ZMYND8: variants seen among roughly 807,000 people sequenced by gnomAD.
The protein encoded by ZMYND8 is zinc finger MYND-type containing 8.
In ZMYND8, 37 loss-of-function variants were observed where a neutral mutation model predicts 140.8. That is an observed-to-expected ratio of 0.26 (90% confidence interval 0.20 to 0.35). ZMYND8 has a LOEUF of 0.35. ZMYND8 is among the 10% of genes least tolerant of loss of function. The pLI is 1.00. For synonymous variants in ZMYND8, 592 were observed against 597.1 expected, an observed-to-expected ratio of 0.99 and a Z score of 0.12; for missense variants, 1,068 against 1,570.0, an observed-to-expected ratio of 0.68 and a Z score of 5.40.
intron 2 of ZMYND8, among the ~76,000 whole-genome samples, chr20:47,336,104 T>A (rs560504015): frequency 6.6e-6 from 1 of 152,236 alleles, no homozygotes; most frequent in Admixed American, 6.5e-5. Context: ...CTGAAAGAGT[T>A]TCCTTGAAAA....
intron 5 of ZMYND8, among the ~76,000 whole-genome samples, chr20:47,292,459 A>G (rs2147986061): frequency 6.6e-6 from 1 of 152,316 alleles, no homozygotes; most frequent in East Asian, 1.9e-4. Context: ...AACTAAGGCT[A>G]CACCTTTTGC....
chr20:47,274,593 G>A (rs1480761332), intron 11 of ZMYND8, among the ~76,000 whole-genome samples: 1 of 152,204 alleles, frequency 6.6e-6, no homozygotes, highest in Admixed American at 6.5e-5. Context: ...TCAGAAACAA[G>A]GGGGTAAAAA....
chr20:47,350,346 A>C (rs887112150), intron 1 of ZMYND8, among the ~76,000 whole-genome samples: 68 of 149,352 alleles, frequency 4.6e-4, no homozygotes, highest in Non-Finnish European at 8.5e-4. Flanking sequence ...AAAAAAAAAA[A>C]AAAAAACTTC....
At chr20:47,347,004 C>T (rs193202587) in intron 2 of ZMYND8, among the ~76,000 whole-genome samples, 4 of 152,274 alleles carry the variant, frequency 2.6e-5, no homozygotes, top group Admixed American at 6.5e-5. Context: ...AATCTCCTTC[C>T]GGCAGTATGC....
intron 3 of ZMYND8, among the ~76,000 whole-genome samples, chr20:47,300,930 G>GTGTGTGTGTGTATGTA (rs757554886): frequency 1.4e-5 from 2 of 141,324 alleles, no homozygotes; most frequent in African/African-American, 5.3e-5. Context: ...GTGTGTGTGT[G>GTGTGTGTGTGTATGTA]TGTGTTTTGT....
rs778498926 is a variant in ZMYND8, at chr20:47,221,398, C to T, written c.3333G>A (p.Ser1111=). Residue 1111 remains serine, a synonymous_variant, in exon 20 of 23, where the codon TCG becomes TCA. Transcript: ENST00000471951. The stretch of plus-strand genomic sequence containing the variant: ...TTTCTGAAGGTGCTGATTGTGTGCT[C>T]GAGGAGCTCCCCTGGGAGGACTTAT... ...TLNKSSQGSS[S]STQSAPSETA... The T allele has an allele frequency of 9.4e-5, 151 of 1,614,050 alleles. No individual in the cohort carries two copies. Among genetic ancestry groups the T allele is most frequent in the Non-Finnish European group, 1.2e-4 (146 of 1,180,040 alleles).
At chr20:47,352,324 A>G in intron 1 of ZMYND8, among the ~76,000 whole-genome samples, 1 of 152,206 alleles carries the variant, frequency 6.6e-6, no homozygotes, top group East Asian at 1.9e-4. Context: ...GCAAAGGTAA[A>G]ATAAAAAGGC....
chr20:47,299,950 G>T (rs1276866114), intron 3 of ZMYND8, among the ~76,000 whole-genome samples: 1 of 152,166 alleles, frequency 6.6e-6, no homozygotes, highest in Non-Finnish European at 1.5e-5. Flanking sequence ...GCTTCCTAAA[G>T]CCATAATTCT....
chr20:47,247,756 G>A (rs865863015), intron 13 of ZMYND8, among the ~76,000 whole-genome samples: 2 of 152,176 alleles, frequency 1.3e-5, no homozygotes, highest in Admixed American at 6.5e-5. Flanking sequence ...TGAACAGCCC[G>A]GGGCATGGGG....
chr20:47,335,387 T>C (rs984650863), intron 2 of ZMYND8, among the ~76,000 whole-genome samples: 4 of 151,950 alleles, frequency 2.6e-5, no homozygotes, highest in African/African-American at 7.3e-5. Context: ...TCACAGGAAG[T>C]TGAAGGGGGC....
intron 8 of ZMYND8, among the ~76,000 whole-genome samples, chr20:47,286,884 A>ATTCTG (rs1317261484): frequency 6.6e-6 from 1 of 152,176 alleles, no homozygotes; most frequent in Non-Finnish European, 1.5e-5. Context: ...AAGAGGACCA[A>ATTCTG]AAGGGACCTG....
At chr20:47,272,756 T>A (rs1601497230) in intron 11 of ZMYND8, among the ~76,000 whole-genome samples, 2 of 152,256 alleles carry the variant, frequency 1.3e-5, no homozygotes, top group Non-Finnish European at 2.9e-5. Flanking sequence ...TACACTGTTG[T>A]ACAAGTTTTA....
Position 47,224,529 on chromosome 20 carries a change from C to G in ZMYND8, c.3044G>C (p.Ser1015Thr). Reference protein sequence around the residue: ...LELTMAEMRQSLEQERDRLIA... With the variant: ...LELTMAEMRQTLEQERDRLIA... ...GAGCCGGTCCCGCTCCTGCTCCAGG[C>G]TCTGCCGCATCTCCGCCATGGTCAG... Residue 1015 changes from serine to threonine, a missense_variant, in exon 19 of 23, where the codon AGC becomes ACC. Around this residue, in one of 10 missense-constraint regions of ZMYND8, gnomAD observed 87 missense variants for 151.1 expected, o/e 0.58. Coordinates refer to ENST00000471951, the MANE Select transcript of ZMYND8 (RefSeq NM_001281775.3). 1 of 1,613,902 alleles carries G rather than the reference C, an allele frequency of 6.2e-7. No individual in the cohort carries two copies. The highest frequency in any genetic ancestry group is 1.1e-5 in the South Asian group (1 of 91,092).
Position 47,210,864 on chromosome 20 carries a change from C to A in ZMYND8, c.3602G>T (p.Ser1201Ile). 2 of 1,614,106 alleles carry A rather than the reference C, an allele frequency of 1.2e-6. No individual in the cohort carries two copies. The highest frequency in any genetic ancestry group is 1.1e-5 in the South Asian group (1 of 91,074). The part of the protein sequence containing the change: ...HSRSNKSSWS[S>I]SDEKRGSTRS... Reference sequence around the variant, plus strand: ...TGTCGATCCCCTCTTCTCATCACTGCTGCTCCAACTGGATTTATTACTCCG... The same window carrying A: ...TGTCGATCCCCTCTTCTCATCACTGATGCTCCAACTGGATTTATTACTCCG... The change falls in exon 23 of 23, where the codon AGC (serine) becomes ATC (isoleucine). Residue 1201 changes from serine to isoleucine, a missense_variant. Physicochemically the swap from Ser to Ile is moderately radical, Grantham distance 142. Transcript: ENST00000471951.
intron 5 of ZMYND8, among the ~76,000 whole-genome samples, chr20:47,293,597 G>T (rs923701050): frequency 2.6e-5 from 4 of 152,188 alleles, no homozygotes; most frequent in Admixed American, 6.5e-5. Context: ...TCAGATCTGG[G>T]ACATAAATAA....
chr20:47,255,613 CACCATATACATATACTCAGTATATATAT>C (rs1472971960), intron 12 of ZMYND8, among the ~76,000 whole-genome samples: 25 of 128,500 alleles, frequency 1.9e-4, no homozygotes, highest in Non-Finnish European at 3.9e-4. Context: ...TATATATACA[CACCATATACATATACTCAGTATATATAT>C]ACCATATACA....
chr20:47,256,073 C>CA (rs1056906641), intron 12 of ZMYND8, among the ~76,000 whole-genome samples: 2,010 of 134,398 alleles, frequency 0.015, 11 homozygotes, highest in African/African-American at 0.023. Flanking sequence ...AGCTCTGTCT[C>CA]AAAAAAAAAA....
At chr20:47,232,925 A>G (rs1359081093) in intron 16 of ZMYND8, among the ~76,000 whole-genome samples, 1 of 140,142 alleles carries the variant, frequency 7.1e-6, no homozygotes, top group Non-Finnish European at 1.5e-5. Context: ...TTTTTTTGAG[A>G]CAGAGGAGTT....
At chr20:47,321,231 G>A (rs571429583) in intron 2 of ZMYND8, among the ~76,000 whole-genome samples, 7 of 152,274 alleles carry the variant, frequency 4.6e-5, no homozygotes, top group African/African-American at 1.2e-4. Context: ...CCTTGTACCC[G>A]GCATACAGCA....
Sources: gnomAD v4.1 joint callset for allele counts (sites outside exome capture counted in the v4.1 genomes callset) on GRCh38, gnomAD v4.1.1 for gene constraint, gnomAD v4.1.1 regional missense constraint, MANE v1.5 for transcripts, NCBI Gene and HGNC (gene_info 2026-07-23, HGNC 2026-07-21) for gene names.